MIS18A: variants seen among roughly 807,000 people sequenced by gnomAD.
The protein encoded by MIS18A is MIS18 kinetochore protein A, also known as protein Mis18-alpha.
MIS18A carries 14 observed loss-of-function variants against 25.0 expected under a neutral mutation model. That is an observed-to-expected ratio of 0.56 (90% CI 0.37 to 0.88). The LOEUF is 0.88. Among genes scored for constraint, MIS18A ranks in the 40% least tolerant of loss-of-function variants. MIS18A has a pLI of 0.00. For missense variants in MIS18A, 292 were observed against 290.8 expected (o/e 1.00, Z -0.03); for synonymous variants, 134 against 118.6 (o/e 1.13, Z -0.84).
At chr21:32,214,000 G>C in the MIS18A span, among the ~76,000 whole-genome samples, 6 of 152,122 alleles carry the variant, frequency 3.9e-5, no homozygotes, top group Admixed American at 1.3e-4. Context: ...TCTACCACAG[G>C]GGGTATGGGA....
At chr21:32,194,313 A>G in the MIS18A span, among the ~76,000 whole-genome samples, 1 of 150,468 alleles carries the variant, frequency 6.6e-6, no homozygotes, top group Non-Finnish European at 1.5e-5. Context: ...GATAAAAAAT[A>G]TTGCATATAT....
At chr21:32,202,078 T>C in the MIS18A span, among the ~76,000 whole-genome samples, 2 of 152,054 alleles carry the variant, frequency 1.3e-5, no homozygotes, top group African/African-American at 4.8e-5. Context: ...CACTTGAACC[T>C]AGGAGTTTAA....
the MIS18A span, among the ~76,000 whole-genome samples, chr21:32,162,932 C>A: frequency 6.6e-6 from 1 of 152,078 alleles, no homozygotes; most frequent in South Asian, 2.1e-4. Context: ...ACACCAAGGA[C>A]CTTAGAGTGA....
At chr21:32,237,642 G>A in the MIS18A span, among the ~76,000 whole-genome samples, 1 of 152,138 alleles carries the variant, frequency 6.6e-6, no homozygotes, top group African/African-American at 2.4e-5. Context: ...ACTCTAATGA[G>A]TCCTTTTATA....
chr21:32,196,185 G>A, the MIS18A span, among the ~76,000 whole-genome samples: 2 of 152,150 alleles, frequency 1.3e-5, no homozygotes, highest in African/African-American at 4.8e-5. Context: ...AAAGCAGATT[G>A]CCACCTCCGT....
the MIS18A span, among the ~76,000 whole-genome samples, chr21:32,253,842 T>G: frequency 1.3e-5 from 2 of 152,212 alleles, no homozygotes; most frequent in Admixed American, 6.5e-5. Flanking sequence ...TTCATAAAAA[T>G]TTGTATTCCT....
At chr21:32,251,468 A>C in the MIS18A span, among the ~76,000 whole-genome samples, 1 of 152,064 alleles carries the variant, frequency 6.6e-6, no homozygotes, top group East Asian at 1.9e-4. Flanking sequence ...TTAAATCGCT[A>C]ACCACTCCTT....
chr21:32,275,160 G>A (rs2031786920), intron 1 of MIS18A, among the ~76,000 whole-genome samples: 1 of 152,000 alleles, frequency 6.6e-6, no homozygotes, highest in Non-Finnish European at 1.5e-5. Context: ...AATGGCTTGG[G>A]GCCAGGAGTT....
downstream of MIS18A, chr21:32,268,133 C>T (rs2031638168): frequency 6.6e-6 from 1 of 152,230 alleles, no homozygotes; most frequent in South Asian, 2.1e-4. Context: ...AGGCCTTCCA[C>T]ACTGCCATGC....
At chr21:32,155,184 CAA>C in the MIS18A span, among the ~76,000 whole-genome samples, 2 of 151,948 alleles carry the variant, frequency 1.3e-5, no homozygotes, top group East Asian at 1.9e-4. Flanking sequence ...GGGATGGATG[CAA>C]AAGTGACAAA....
Position 32,278,918 on chromosome 21 carries a change from T to C in MIS18A, c.97A>G (p.Lys33Glu), listed in dbSNP as rs1222907514. ...GKCSDSSLLG[K>E]RLSEDSSRHQ... is the part of the protein sequence containing the mutation. ...CGGCTCGAGTCTTCGGAGAGTCTCT[T>C]GCCCAACAGCGAGGAGTCGCTGCAT... is the stretch of plus-strand genomic sequence containing the variant. The change falls in exon 1 of 5, where the codon AAG becomes GAG. Residue 33 changes from lysine to glutamate, a missense_variant. Transcript: ENST00000290130. The C allele has an allele frequency of 5.6e-6, 9 of 1,613,672 alleles. No homozygotes were observed. Among genetic ancestry groups the C allele is most frequent in the Non-Finnish European group, 7.6e-6 (9 of 1,180,022 alleles).
intron 2 of MIS18A, among the ~76,000 whole-genome samples, chr21:32,271,169 C>A (rs1259843108): frequency 1.3e-5 from 2 of 152,196 alleles, no homozygotes; most frequent in African/African-American, 4.8e-5. Flanking sequence ...GGCTTAGAAT[C>A]CAGTGTCTCC....
the MIS18A span, among the ~76,000 whole-genome samples, chr21:32,155,140 T>C: frequency 6.6e-6 from 1 of 152,300 alleles, no homozygotes; most frequent in African/African-American, 2.4e-5. Flanking sequence ...TTAGTAAATG[T>C]TTTTCTTTAA....
chr21:32,217,211 T>G, the MIS18A span, among the ~76,000 whole-genome samples: 3 of 152,086 alleles, frequency 2.0e-5, no homozygotes, highest in African/African-American at 7.2e-5. Flanking sequence ...TTAAATATGT[T>G]TAAAGAACTG....
the MIS18A span, among the ~76,000 whole-genome samples, chr21:32,201,594 G>A: frequency 4.6e-5 from 7 of 152,122 alleles, no homozygotes; most frequent in South Asian, 2.1e-4. Context: ...GCCGAGGCGG[G>A]AAGATCACCT....
chr21:32,243,629 T>C, the MIS18A span, among the ~76,000 whole-genome samples: 1 of 152,206 alleles, frequency 6.6e-6, no homozygotes, highest in Non-Finnish European at 1.5e-5. Context: ...AGACTTACCA[T>C]ATGACCCAGC....
the MIS18A span, among the ~76,000 whole-genome samples, chr21:32,261,926 G>C: frequency 6.6e-6 from 1 of 152,212 alleles, no homozygotes; most frequent in African/African-American, 2.4e-5. Context: ...AGAAGAAAAA[G>C]AGAGAAGCTC....
chr21:32,243,061 AAAAT>A, the MIS18A span, among the ~76,000 whole-genome samples: 22 of 152,346 alleles, frequency 1.4e-4, no homozygotes, highest in Middle Eastern at 3.4e-3. Context: ...ATCCAGAGGC[AAAAT>A]AAATAAACTT....
the MIS18A span, among the ~76,000 whole-genome samples, chr21:32,191,209 G>A: frequency 9.9e-3 from 1,507 of 152,258 alleles, 32 homozygotes; most frequent in African/African-American, 0.034. Flanking sequence ...TAAATTCCCA[G>A]TGCCCCCACA....
Sources: gnomAD v4.1 joint callset for allele counts (sites outside exome capture counted in the v4.1 genomes callset) on GRCh38, gnomAD v4.1.1 for gene constraint, MANE v1.5 for transcripts, NCBI Gene and HGNC (gene_info 2026-07-23, HGNC 2026-07-21) for gene names.